KDM4C: variants seen among roughly 807,000 people sequenced by gnomAD.
The protein encoded by KDM4C is lysine-specific demethylase 4C.
A neutral mutation model predicts 129.3 loss-of-function variants in KDM4C; 81 were observed. That is an observed-to-expected ratio of 0.63 (90% CI 0.52 to 0.75). The LOEUF (loss-of-function observed/expected upper bound fraction) is 0.75, where lower values mean the gene tolerates loss of function less well. Ranked by LOEUF, KDM4C falls within the 30% of genes least tolerant of loss-of-function variation. The pLI is 0.00. For missense variants in KDM4C, 1,457 were observed against 1,304.0 expected, an observed-to-expected ratio of 1.12 and a Z score of -1.81; for synonymous variants, 573 against 456.1, an observed-to-expected ratio of 1.26 and a Z score of -3.26.
intron 12 of KDM4C, among the ~76,000 whole-genome samples, chr9:7,000,188 C>T (rs1248255347): frequency 6.6e-6 from 1 of 151,966 alleles, no homozygotes; most frequent in Non-Finnish European, 1.5e-5. Flanking sequence ...CAGTAAATTC[C>T]ACTGGAAGTC....
At chr9:7,008,598 C>G (rs1288910821) in intron 12 of KDM4C, among the ~76,000 whole-genome samples, 1 of 152,214 alleles carries the variant, frequency 6.6e-6, no homozygotes, top group Non-Finnish European at 1.5e-5. Context: ...GGCCAACTCC[C>G]ACAGACCAAA....
At chr9:7,098,289 CT>C (rs1300355593) in intron 17 of KDM4C, among the ~76,000 whole-genome samples, 1 of 152,222 alleles carries the variant, frequency 6.6e-6, no homozygotes, top group Non-Finnish European at 1.5e-5. Flanking sequence ...GCTCATCCCA[CT>C]GGCCTTTCCC....
At chr9:7,109,982 C>T (rs964777037) in intron 18 of KDM4C, among the ~76,000 whole-genome samples, 1 of 152,142 alleles carries the variant, frequency 6.6e-6, no homozygotes, top group Non-Finnish European at 1.5e-5. Context: ...TCCTGCTGTC[C>T]TGTGAGGAGG....
At chr9:7,029,001 C>T (rs771207385) in intron 15 of KDM4C, among the ~76,000 whole-genome samples, 1 of 152,272 alleles carries the variant, frequency 6.6e-6, no homozygotes, top group South Asian at 2.1e-4. Context: ...AAACCAGGTA[C>T]TGTGGGTGCT....
intron 1 of KDM4C, among the ~76,000 whole-genome samples, chr9:6,765,322 TCC>T (rs1820401256): frequency 6.6e-6 from 1 of 152,094 alleles, no homozygotes; most frequent in African/African-American, 2.4e-5. Flanking sequence ...CCTCTCATTT[TCC>T]CCCTTTTCAT....
chr9:6,747,949 C>G (rs922800605), intron 1 of KDM4C, among the ~76,000 whole-genome samples: 3 of 149,902 alleles, frequency 2.0e-5, no homozygotes, highest in Non-Finnish European at 4.5e-5. Context: ...AGGCCAAGGC[C>G]GGTGGCTCAC....
chr9:6,908,604 A>G (rs1295476489), intron 8 of KDM4C, among the ~76,000 whole-genome samples: 1 of 151,028 alleles, frequency 6.6e-6, no homozygotes, highest in African/African-American at 2.4e-5. Flanking sequence ...GTGTGACAAG[A>G]TCTTCTTGGG....
chr9:7,116,338 T>G (rs1310226142), intron 18 of KDM4C, among the ~76,000 whole-genome samples: 2 of 118,980 alleles, frequency 1.7e-5, no homozygotes, highest in Non-Finnish European at 3.6e-5. Context: ...TAATTATACC[T>G]TAAAAATGTC....
chr9:6,837,424 T>C (rs993151146), intron 4 of KDM4C, among the ~76,000 whole-genome samples: 1 of 152,210 alleles, frequency 6.6e-6, no homozygotes, highest in Admixed American at 6.5e-5. Context: ...CCATTTTAAG[T>C]GTATACTTCA....
At chr9:7,083,698 T>G (rs1413492364) in intron 17 of KDM4C, among the ~76,000 whole-genome samples, 1 of 142,828 alleles carries the variant, frequency 7.0e-6, no homozygotes, top group Non-Finnish European at 1.5e-5. Flanking sequence ...ACGTCCCATG[T>G]AGCACATGAC....
chr9:6,970,382 C>T (rs2131689215), intron 8 of KDM4C, among the ~76,000 whole-genome samples: 1 of 152,326 alleles, frequency 6.6e-6, no homozygotes, highest in East Asian at 1.9e-4. Flanking sequence ...TGTTGGGACA[C>T]ATTAGGCACC....
At chr9:6,731,325 CTTT>C (rs34724329) in intron 1 of KDM4C, among the ~76,000 whole-genome samples, 1 of 114,052 alleles carries the variant, frequency 8.8e-6, no homozygotes, top group Non-Finnish European at 1.7e-5. Flanking sequence ...TTTTTTTTTG[CTTT>C]TTTTTTTTTT....
intron 15 of KDM4C, among the ~76,000 whole-genome samples, chr9:7,041,079 C>G (rs773983743): frequency 3.4e-5 from 5 of 147,950 alleles, no homozygotes; most frequent in Non-Finnish European, 7.4e-5. Flanking sequence ...TTTTGTCTTT[C>G]AATTCTATAC....
chr9:6,836,957 T>C (rs1401543940), intron 4 of KDM4C, among the ~76,000 whole-genome samples: 2 of 152,238 alleles, frequency 1.3e-5, no homozygotes, highest in Non-Finnish European at 2.9e-5. Flanking sequence ...GGTATTTACG[T>C]AGGAATGGAA....
chr9:6,857,536 C>T lies in KDM4C; in HGVS notation c.629+7836C>T, dbSNP rs112312393. The stretch of plus-strand genomic sequence containing the variant: ...TGGACCACTGCTCAGCACAGAATTC[C>T]CTAAAGGAACCATCCAGGATATCTA... On this transcript the variant is annotated intron_variant, in intron 5 of 21. Transcript: ENST00000381309. Among the ~76,000 whole-genome samples the T allele has an allele frequency of 4.0e-3, 607 of 152,150 alleles. 3 individuals carry two copies. The highest frequency in any genetic ancestry group is 6.3e-3 in the Non-Finnish European group (426 of 68,004).
intron 12 of KDM4C, among the ~76,000 whole-genome samples, chr9:6,992,164 A>G (rs2131934665): frequency 6.6e-6 from 1 of 152,298 alleles, no homozygotes. Context: ...GACTCTCTTC[A>G]GTATAACTTT....
chr9:7,154,500 A>G (rs1383424201), intron 19 of KDM4C, among the ~76,000 whole-genome samples: 1 of 152,218 alleles, frequency 6.6e-6, no homozygotes, highest in East Asian at 1.9e-4. Flanking sequence ...ATTTGAGGAC[A>G]GCAGCTTCTA....
intron 19 of KDM4C, among the ~76,000 whole-genome samples, chr9:7,146,433 T>C (rs1842222401): frequency 6.6e-6 from 1 of 152,254 alleles, no homozygotes; most frequent in African/African-American, 2.4e-5. Flanking sequence ...ACAGATTGCT[T>C]TGTCAAAATT....
chr9:6,733,331 C>G (rs1817412312), intron 1 of KDM4C, among the ~76,000 whole-genome samples: 1 of 152,194 alleles, frequency 6.6e-6, no homozygotes, highest in African/African-American at 2.4e-5. Flanking sequence ...TCTGATGGGA[C>G]CATCTGAAAT....
Sources: allele counts gnomAD v4.1 joint callset (sites outside exome capture counted in the v4.1 genomes callset), GRCh38; gene constraint gnomAD v4.1.1; transcripts MANE v1.5; gene names NCBI Gene and HGNC (gene_info 2026-07-23, HGNC 2026-07-21).